FBXO45: variants seen among roughly 807,000 people sequenced by gnomAD.
FBXO45 encodes the protein F-box/SPRY domain-containing protein 1.
FBXO45 carries 3 observed loss-of-function variants against 25.5 expected under a neutral mutation model. The observed-to-expected ratio is 0.12, with a 90% CI of 0.05 to 0.30. The LOEUF is 0.30. FBXO45 is among the 10% of genes least tolerant of loss of function. The pLI is 1.00. For synonymous variants in FBXO45, 155 were observed against 149.8 expected, an observed-to-expected ratio of 1.03 and a Z score of -0.25; for missense variants, 219 against 365.0, an observed-to-expected ratio of 0.60 and a Z score of 3.26.
chr3:196,575,047 A>T (rs779622831), intron 1 of FBXO45, among the ~76,000 whole-genome samples: 2 of 152,210 alleles, frequency 1.3e-5, no homozygotes, highest in Non-Finnish European at 2.9e-5. Flanking sequence ...AATAATTCAG[A>T]TAGAGAGTTG....
At chr3:196,572,637 G>C (rs1735848015) in intron 1 of FBXO45, among the ~76,000 whole-genome samples, 1 of 152,172 alleles carries the variant, frequency 6.6e-6, no homozygotes, top group African/African-American at 2.4e-5. Flanking sequence ...AAGCCATTTT[G>C]AGTTGTAAGC....
At position 196,573,938 on chromosome 3, in the gene FBXO45, CT is replaced by C. The variant is rs34587292; in HGVS notation, c.319-3498del. 3.1e-4 allele frequency among the ~76,000 whole-genome samples: 39 copies of C among 125,746 alleles called. 1 individual carries two copies. The highest frequency in any genetic ancestry group is 3.7e-4 in the African/African-American group (12 of 32,650). The allele number at this position is 125,746 out of a possible 152,430, so 82.5% of individuals were successfully genotyped here. A position where few individuals can be genotyped will look rare whatever the true frequency, so the allele number is the denominator to read the frequency against. Reference sequence around the variant, plus strand: ...ATTTATTAATTTGGTCTTTATTTTCCTTTTTTTTTTTTTTTTTGAGACAGAG... The same window carrying C: ...ATTTATTAATTTGGTCTTTATTTTCCTTTTTTTTTTTTTTTTGAGACAGAG... On this transcript the variant is annotated intron_variant, in intron 1 of 2. Transcript: ENST00000311630.
At chr3:196,582,553 ACTTT>A (rs1291205905) in intron 2 of FBXO45, among the ~76,000 whole-genome samples, 2 of 152,156 alleles carry the variant, frequency 1.3e-5, no homozygotes, top group African/African-American at 4.8e-5. Flanking sequence ...AAACATTAGG[ACTTT>A]CTGTTTCCAA....
intron 2 of FBXO45, among the ~76,000 whole-genome samples, chr3:196,579,680 A>C (rs2108728109): frequency 6.6e-6 from 1 of 152,344 alleles, no homozygotes; most frequent in Middle Eastern, 3.4e-3. Context: ...TTCAAGTCTT[A>C]CATAGTGTTA....
rs1735934774 is a variant in FBXO45, at chr3:196,577,497, G to A, written c.363G>A (p.Arg121=). 2 of 1,613,460 alleles carry A rather than the reference G, an allele frequency of 1.2e-6. No homozygotes were observed. Among genetic ancestry groups the A allele is most frequent in the Non-Finnish European group, 1.7e-6 (2 of 1,179,418 alleles). ...QHAFSTNDCS[R]NVYIKKNGFT... The stretch of plus-strand genomic sequence containing the variant: ...CCTTCAGCACTAATGACTGCTCCAG[G>A]AATGTCTACATTAAGAAGAATGGCT... The change falls in exon 2 of 3, where the codon AGG becomes AGA. Residue 121 remains arginine (R), a synonymous_variant. Coordinates refer to ENST00000311630, the MANE Select transcript of FBXO45 (RefSeq NM_001105573.2).
chr3:196,575,297 A>T, intron 1 of FBXO45, among the ~76,000 whole-genome samples: 1 of 152,016 alleles, frequency 6.6e-6, no homozygotes, highest in Non-Finnish European at 1.5e-5. Flanking sequence ...CTCTATTCAA[A>T]ATTCAAAAAT....
chr3:196,580,267 A>G (rs1294773612), intron 2 of FBXO45, among the ~76,000 whole-genome samples: 1 of 148,510 alleles, frequency 6.7e-6, no homozygotes, highest in Non-Finnish European at 1.5e-5. Context: ...GTGCAATGGC[A>G]TGATCTCAGC....
Position 196,586,598 on chromosome 3 carries a change from G to C in FBXO45, c.*2280G>C, listed in dbSNP as rs189679103. Reference sequence around the variant, plus strand: ...CTTAAACTGCTGCAGTGCTCAAGGAGATGGAATATCTTTGTCATTGGTGCT... The same window carrying C: ...CTTAAACTGCTGCAGTGCTCAAGGACATGGAATATCTTTGTCATTGGTGCT... On this transcript the variant is annotated 3_prime_UTR_variant, in exon 3 of 3. Transcript: ENST00000311630. 49 of 152,312 alleles carry C rather than the reference G, an allele frequency of 3.2e-4. No homozygotes were observed. Among genetic ancestry groups the C allele is most frequent in the African/African-American group, 1.1e-3 (47 of 41,566 alleles). The allele number at this position is 152,312 out of a possible 1,614,324, so 9.4% of individuals were successfully genotyped here.
chr3:196,582,371 A>G (rs1436169049), intron 2 of FBXO45, among the ~76,000 whole-genome samples: 1 of 152,146 alleles, frequency 6.6e-6, no homozygotes, highest in East Asian at 1.9e-4. Context: ...AGTGGTGGTG[A>G]TGATGATTTG....
chr3:196,575,289 C>T (rs559888605), intron 1 of FBXO45, among the ~76,000 whole-genome samples: 2 of 151,940 alleles, frequency 1.3e-5, no homozygotes, highest in African/African-American at 2.4e-5. Flanking sequence ...AACCCTGTCT[C>T]TATTCAAAAT....
At chr3:196,573,993 AG>A (rs1735872922) in intron 1 of FBXO45, among the ~76,000 whole-genome samples, 1 of 142,276 alleles carries the variant, frequency 7.0e-6, no homozygotes, top group African/African-American at 2.6e-5. Flanking sequence ...GCTGGAGCGC[AG>A]TGGCACAATT....
Position 196,569,084 on chromosome 3 carries a change from G to C in FBXO45, c.100G>C (p.Gly34Arg). 2.1e-6 allele frequency: 3 copies of C among 1,444,768 alleles called. No individual in the cohort carries two copies. The highest frequency in any genetic ancestry group is 2.8e-6 in the Non-Finnish European group (3 of 1,085,694). The allele number at this position is 1,444,768 out of a possible 1,614,324, so 89.5% of individuals were successfully genotyped here. A position where few individuals can be genotyped will look rare whatever the true frequency, so the allele number is the denominator to read the frequency against. The change falls in exon 1 of 3, where the codon GGG becomes CGG. Residue 34 changes from glycine (G) to arginine (R), a missense_variant. Transcript: ENST00000311630. The surrounding 1 kb of genome is among the most constrained non-coding windows in gnomAD (Gnocchi z 4.1). ...CGCGGGCTCGGGCTCTGGGGCCGCGGGGGCCGGGGGCCGGCTGCCCAGCCG... is the reference window on the plus strand; with the variant it reads ...CGCGGGCTCGGGCTCTGGGGCCGCGCGGGCCGGGGGCCGGCTGCCCAGCCG... ...AGAGSGSGAA[G>R]AGGRLPSRVL...
At chr3:196,581,464 C>T (rs185990283) in intron 2 of FBXO45, among the ~76,000 whole-genome samples, 189 of 151,882 alleles carry the variant, frequency 1.2e-3, no homozygotes, top group Middle Eastern at 3.4e-3. Flanking sequence ...CTCTTGACCT[C>T]GTGATCCGCC....
Position 196,586,498 on chromosome 3 carries a change from G to C in FBXO45, c.*2180G>C, listed in dbSNP as rs1404018225. 1 of 152,190 alleles carries C rather than the reference G, an allele frequency of 6.6e-6. No individual in the cohort carries two copies. The highest frequency in any genetic ancestry group is 1.5e-5 in the Non-Finnish European group (1 of 68,038). The allele number at this position is 152,190 out of a possible 1,614,324, so 9.4% of individuals were successfully genotyped here. A position where few individuals can be genotyped will look rare whatever the true frequency, so the allele number is the denominator to read the frequency against. On this transcript the variant is annotated 3_prime_UTR_variant, in exon 3 of 3. Coordinates refer to ENST00000311630, the MANE Select transcript of FBXO45 (RefSeq NM_001105573.2). ...AAATCATATGCAATTGAAGTGAGCA[G>C]CATGAGCATCTGGGTCATGAGGGCC...
chr3:196,587,680 C>T lies in FBXO45; in HGVS notation c.*3362C>T, dbSNP rs1362081869. The T allele has an allele frequency of 1.3e-5, 2 of 152,142 alleles. No individual in the cohort carries two copies. Among genetic ancestry groups the T allele is most frequent in the Non-Finnish European group, 2.9e-5 (2 of 68,046 alleles). The allele number at this position is 152,142 out of a possible 1,614,324, so 9.4% of individuals were successfully genotyped here. ...GGGATTACAGGTGTATGCCACTATACCCAGCTTTAACTTTTAAATCCCCAA... is the reference window on the plus strand; with the variant it reads ...GGGATTACAGGTGTATGCCACTATATCCAGCTTTAACTTTTAAATCCCCAA... On this transcript the variant is annotated 3_prime_UTR_variant, in exon 3 of 3. Coordinates refer to ENST00000311630, the MANE Select transcript of FBXO45 (RefSeq NM_001105573.2).
intron 2 of FBXO45, among the ~76,000 whole-genome samples, chr3:196,580,157 C>A (rs1346411643): frequency 6.6e-6 from 1 of 151,418 alleles, no homozygotes; most frequent in African/African-American, 2.4e-5. Flanking sequence ...TAAACCACGC[C>A]CGGCTAATTT....
chr3:196,578,222 A>G (rs899137375), intron 2 of FBXO45, among the ~76,000 whole-genome samples: 3 of 151,730 alleles, frequency 2.0e-5, no homozygotes, highest in African/African-American at 7.3e-5. Context: ...TTTTTAGTAG[A>G]GACAGGGTTT....
chr3:196,581,111 T>C (rs536781953), intron 2 of FBXO45, among the ~76,000 whole-genome samples: 112 of 152,266 alleles, frequency 7.4e-4, no homozygotes, highest in Non-Finnish European at 1.4e-3. Context: ...CTGTTCTGTC[T>C]TCAAGGTTAT....
intron 1 of FBXO45, among the ~76,000 whole-genome samples, chr3:196,572,503 T>A (rs1735845551): frequency 6.6e-6 from 1 of 152,116 alleles, no homozygotes; most frequent in African/African-American, 2.4e-5. Flanking sequence ...AGAACAGCCT[T>A]CCAGGAGGGA....
Sources: gnomAD v4.1 joint callset for allele counts (sites outside exome capture counted in the v4.1 genomes callset) on GRCh38, gnomAD v4.1.1 for gene constraint, Gnocchi (gnomAD v3.1) non-coding constraint, MANE v1.5 for transcripts, NCBI Gene and HGNC (gene_info 2026-07-23, HGNC 2026-07-21) for gene names.